BRINP3: variants seen among roughly 807,000 people sequenced by gnomAD.
BRINP3 encodes the protein BMP/retinoic acid-inducible neural-specific protein 3.
In BRINP3, 19 loss-of-function variants were observed where a neutral mutation model predicts 71.0. The observed-to-expected ratio is 0.27, with a 90% CI of 0.19 to 0.39. BRINP3 has a LOEUF of 0.39. Ranked by LOEUF, BRINP3 falls within the 10% of genes least tolerant of loss-of-function variation. BRINP3 has a pLI of 1.00. For synonymous variants in BRINP3, 380 were observed against 337.7 expected (o/e 1.13, Z -1.37); for missense variants, 959 against 940.8 (o/e 1.02, Z -0.25).
chr1:190,344,441 G>C lies in BRINP3; in HGVS notation c.237-62691C>G, dbSNP rs192868140. ...ATTGCTGAATTGGCCATCAACAACA[G>C]TACCCTCTCAAAACTTTTCAGTGCA... On this transcript the variant is annotated intron_variant, in intron 2 of 7. Transcript: ENST00000367462. 5.5e-5 allele frequency among the ~76,000 whole-genome samples: 8 copies of C among 145,846 alleles called. No homozygotes were observed. In the East Asian group the frequency reaches 1.6e-3, roughly 29 times the overall value.
chr1:190,187,283 T>G (rs1653615774), intron 6 of BRINP3, among the ~76,000 whole-genome samples: 1 of 152,198 alleles, frequency 6.6e-6, no homozygotes. Flanking sequence ...TATTGCCTCC[T>G]TATCAGATGT....
chr1:190,252,888 C>A (rs548845629), intron 4 of BRINP3, among the ~76,000 whole-genome samples: 2 of 151,964 alleles, frequency 1.3e-5, no homozygotes, highest in Non-Finnish European at 2.9e-5. Flanking sequence ...GCCATTAACT[C>A]GTCATTTACA....
intron 2 of BRINP3, among the ~76,000 whole-genome samples, chr1:190,323,185 C>G (rs1296827965): frequency 6.6e-6 from 1 of 151,932 alleles, no homozygotes; most frequent in East Asian, 1.9e-4. Context: ...CTAGGTAGTG[C>G]AAATTTAATA....
At chr1:190,230,228 A>G (rs1016420737) in intron 5 of BRINP3, among the ~76,000 whole-genome samples, 4 of 151,984 alleles carry the variant, frequency 2.6e-5, no homozygotes. Flanking sequence ...AGAGGAAAGA[A>G]AGGAAATAAA....
At chr1:190,433,674 A>G (rs564308677) in intron 2 of BRINP3, among the ~76,000 whole-genome samples, 1 of 152,236 alleles carries the variant, frequency 6.6e-6, no homozygotes, top group Non-Finnish European at 1.5e-5. Flanking sequence ...ATCTGAAATT[A>G]TTATGCTATC....
chr1:190,469,550 T>C (rs1333805255), intron 1 of BRINP3, among the ~76,000 whole-genome samples: 2 of 151,006 alleles, frequency 1.3e-5, no homozygotes, highest in Non-Finnish European at 3.0e-5. Context: ...GTATTTATAA[T>C]TATTTAAGAA....
At chr1:190,388,093 T>C (rs564514878) in intron 2 of BRINP3, among the ~76,000 whole-genome samples, 1 of 151,914 alleles carries the variant, frequency 6.6e-6, no homozygotes, top group Admixed American at 6.6e-5. Flanking sequence ...CTTCATCATA[T>C]ATGTGCGAGT....
intron 2 of BRINP3, among the ~76,000 whole-genome samples, chr1:190,330,990 G>C (rs956098745): frequency 6.6e-6 from 1 of 151,824 alleles, no homozygotes; most frequent in African/African-American, 2.4e-5. Flanking sequence ...GGGAAGGAGT[G>C]GGGGAGGATT....
intron 1 of BRINP3, among the ~76,000 whole-genome samples, chr1:190,459,116 A>G: frequency 6.7e-6 from 1 of 149,902 alleles, no homozygotes; most frequent in South Asian, 2.1e-4. Flanking sequence ...TATAGGTCCT[A>G]CTCTTAAATT....
At chr1:190,472,909 G>A (rs12068796) in intron 1 of BRINP3, among the ~76,000 whole-genome samples, 2,492 of 151,480 alleles carry the variant, frequency 0.016, 66 homozygotes, top group African/African-American at 0.053. Flanking sequence ...ACTTTGCATG[G>A]AGAAAATCAA....
At chr1:190,375,317 A>G (rs1670114607) in intron 2 of BRINP3, among the ~76,000 whole-genome samples, 1 of 151,868 alleles carries the variant, frequency 6.6e-6, no homozygotes, top group East Asian at 1.9e-4. Flanking sequence ...GTATGTGTGT[A>G]TATTCAATAA....
chr1:190,293,612 T>G (rs1447637040), intron 2 of BRINP3, among the ~76,000 whole-genome samples: 1 of 152,182 alleles, frequency 6.6e-6, no homozygotes, highest in African/African-American at 2.4e-5. Context: ...TTGCTGAAAA[T>G]GGGGTTTTGA....
chr1:190,146,796 GCTTA>G (rs1334186190), intron 7 of BRINP3, among the ~76,000 whole-genome samples: 24 of 151,744 alleles, frequency 1.6e-4, no homozygotes, highest in Non-Finnish European at 2.9e-4. Context: ...TACTATATTT[GCTTA>G]CTTGTTTTCC....
At chr1:190,354,972 T>C (rs1242119172) in intron 2 of BRINP3, among the ~76,000 whole-genome samples, 1 of 151,892 alleles carries the variant, frequency 6.6e-6, no homozygotes, top group Admixed American at 6.6e-5. Flanking sequence ...TCTGCTTATT[T>C]CTGCGTTACC....
intron 5 of BRINP3, among the ~76,000 whole-genome samples, chr1:190,233,846 C>G (rs985557120): frequency 1.3e-5 from 2 of 151,922 alleles, no homozygotes; most frequent in African/African-American, 4.8e-5. Context: ...TAGAAAATAG[C>G]AAATTATTTT....
rs567657318 is a variant in BRINP3 at position 190,394,317 on chromosome 1, T to C, written c.236+60338A>G. Reference sequence around the variant, plus strand: ...CTTAGAACAAAATATAATTCCCTTTTTTAATAAAAATGGAATTATTAAAGA... The same window carrying C: ...CTTAGAACAAAATATAATTCCCTTTCTTAATAAAAATGGAATTATTAAAGA... On this transcript the variant is annotated intron_variant, in intron 2 of 7. Coordinates refer to ENST00000367462, the MANE Select transcript of BRINP3 (RefSeq NM_199051.3). Among the ~76,000 whole-genome samples, 11 of 151,736 alleles carry C rather than the reference T, an allele frequency of 7.2e-5. 1 individual carries two copies. The South Asian group carries it at 2.3e-3, about 31-fold the overall frequency.
In BRINP3 at chr1:190,098,844, A is replaced by G. The variant is rs774209864; in HGVS notation, c.1475T>C (p.Leu492Pro). ...TDHYIGFETD[L>P]QDLEMKYLLQ... ...CAGATATTTCATCTCGAGATCTTGCAGGTCAGTTTCAAAGCCAATATAGTG... is the reference window on the plus strand; with the variant it reads ...CAGATATTTCATCTCGAGATCTTGCGGGTCAGTTTCAAAGCCAATATAGTG... Residue 492 changes from leucine to proline, a missense_variant, in exon 8 of 8, where the codon CTG becomes CCG. Transcript: ENST00000367462. 2 of 1,614,200 alleles carry G rather than the reference A, an allele frequency of 1.2e-6. No individual in the cohort carries two copies. The highest frequency in any genetic ancestry group is 2.2e-5 in the South Asian group (2 of 91,090).
chr1:190,367,745 C>G lies in BRINP3; in HGVS notation c.237-85995G>C, dbSNP rs149258521. Among the ~76,000 whole-genome samples, 266 of 152,276 alleles carry G rather than the reference C, an allele frequency of 1.7e-3. 3 individuals carry two copies. The highest frequency in any genetic ancestry group is 5.9e-3 in the African/African-American group (247 of 41,564). ...TATCTAAGGCAGGGGCAAAATGCCA[C>G]CAGTCTCTTTGCATAGCAAGAGTGA... On this transcript the variant is annotated intron_variant, in intron 2 of 7. Coordinates refer to ENST00000367462, the MANE Select transcript of BRINP3 (RefSeq NM_199051.3).
At position 190,241,258 on chromosome 1, in the gene BRINP3, C is replaced by A. The variant is rs566729327; in HGVS notation, c.619-6781G>T. ...AGAAGTTTGAAATCATCTAGTTTCA[C>A]CATCTCATTATATAAAAGAGATGCT... On this transcript the variant is annotated intron_variant, in intron 4 of 7. Coordinates refer to ENST00000367462, the MANE Select transcript of BRINP3 (RefSeq NM_199051.3). Among the ~76,000 whole-genome samples the A allele has an allele frequency of 2.6e-5, 4 of 152,092 alleles. No individual in the cohort carries two copies. In the East Asian group the frequency reaches 7.7e-4, roughly 29 times the overall value.
Sources: allele counts gnomAD v4.1 joint callset (sites outside exome capture counted in the v4.1 genomes callset), GRCh38; gene constraint gnomAD v4.1.1; transcripts MANE v1.5; gene names NCBI Gene and HGNC (gene_info 2026-07-23, HGNC 2026-07-21).